COL19A1: variants seen among roughly 807,000 people sequenced by gnomAD.
COL19A1 encodes collagen type XIX alpha 1 chain.
A neutral mutation model predicts 190.2 loss-of-function variants in COL19A1; 159 were observed. That is an observed-to-expected ratio of 0.84 (90% CI 0.73 to 0.95). The LOEUF (loss-of-function observed/expected upper bound fraction) is 0.95. COL19A1 is among the 40% of genes least tolerant of loss of function. The pLI, the probability that COL19A1 is intolerant of heterozygous loss-of-function variation, is 0.00. For synonymous variants in COL19A1, 509 were observed against 458.9 expected (o/e 1.11, Z -1.39); for missense variants, 1,418 against 1,431.9 (o/e 0.99, Z 0.16).
intron 4 of COL19A1, among the ~76,000 whole-genome samples, chr6:69,905,736 C>A (rs910871333): frequency 6.6e-6 from 1 of 152,186 alleles, no homozygotes; most frequent in Non-Finnish European, 1.5e-5. Context: ...CTTACAACAT[C>A]ATTGTACACT....
chr6:69,929,288 T>C, intron 5 of COL19A1, 137 bp from the exon 6 acceptor site: 1 of 818,022 alleles, frequency 1.2e-6, no homozygotes, highest in Non-Finnish European at 1.9e-6. Flanking sequence ...ACAAACCTGG[T>C]GGACACAAGT....
chr6:70,002,956 C>A (rs1777363154), intron 11 of COL19A1, among the ~76,000 whole-genome samples: 1 of 151,856 alleles, frequency 6.6e-6, no homozygotes, highest in Admixed American at 6.6e-5. Context: ...GCCTCTCTAG[C>A]TCTTTTAATT....
At chr6:70,061,100 T>C (rs1277478215) in intron 14 of COL19A1, among the ~76,000 whole-genome samples, 1 of 152,176 alleles carries the variant, frequency 6.6e-6, no homozygotes, top group East Asian at 1.9e-4. Flanking sequence ...TGTTTGACTT[T>C]ACTAAACGGG....
At chr6:69,995,344 ACTAT>A (rs1454742460) in intron 11 of COL19A1, among the ~76,000 whole-genome samples, 1 of 152,220 alleles carries the variant, frequency 6.6e-6, no homozygotes, top group African/African-American at 2.4e-5. Context: ...GTGAGTGATC[ACTAT>A]CTAATAGTAT....
intron 27 of COL19A1, among the ~76,000 whole-genome samples, chr6:70,148,111 C>T (rs930614928): frequency 3.3e-5 from 5 of 151,966 alleles, no homozygotes; most frequent in Non-Finnish European, 5.9e-5. Flanking sequence ...TCTCTAAACT[C>T]CATATTTTGG....
At chr6:70,131,655 A>G (rs981959048) in intron 18 of COL19A1, among the ~76,000 whole-genome samples, 2 of 152,078 alleles carry the variant, frequency 1.3e-5, no homozygotes, top group Non-Finnish European at 2.9e-5. Context: ...ACTTCTGGAC[A>G]TATGCAGGCT....
chr6:70,199,756 A>G lies in COL19A1; in HGVS notation c.3223+20A>G, dbSNP rs1376615362. 1 of 1,577,500 alleles carries G rather than the reference A, an allele frequency of 6.3e-7. No homozygotes were observed. Among genetic ancestry groups the G allele is most frequent in the Non-Finnish European group, 8.6e-7 (1 of 1,161,878 alleles). ...CCCAAGGTAAGTCTTCAAGTGTAAT[A>G]TTGGCTTATTGATTTTTAACTCTCT... is the stretch of plus-strand genomic sequence containing the variant. On this transcript the variant is annotated intron_variant, in intron 49 of 50. Coordinates refer to ENST00000620364, the MANE Select transcript of COL19A1 (RefSeq NM_001858.6).
At chr6:70,060,642 A>G (rs1413673597) in intron 14 of COL19A1, among the ~76,000 whole-genome samples, 1 of 152,130 alleles carries the variant, frequency 6.6e-6, no homozygotes, top group African/African-American at 2.4e-5. Flanking sequence ...CTACTGCCTG[A>G]TGATCTGTCA....
chr6:70,003,008 A>AT (rs1185268207), intron 11 of COL19A1, among the ~76,000 whole-genome samples: 2 of 151,868 alleles, frequency 1.3e-5, no homozygotes, highest in African/African-American at 4.8e-5. Context: ...TAGCTGTCTT[A>AT]TGTGAGCATT....
rs567569394 is a variant in COL19A1, at chr6:69,974,959, C to G, written c.1026+12089C>G. On this transcript the variant is annotated intron_variant, in intron 11 of 50. Transcript: ENST00000620364. ...TCCCGAGTAGCTGGGACTACAGGTG[C>G]CTGCCACCACACCCGGCTAATTTTT... is the stretch of plus-strand genomic sequence containing the variant. Among the ~76,000 whole-genome samples, 294 of 151,914 alleles carry G rather than the reference C, an allele frequency of 1.9e-3. 2 individuals are homozygous for G. The highest frequency in any genetic ancestry group is 6.9e-3 in the African/African-American group (286 of 41,438).
chr6:69,991,282 T>G (rs531918506), intron 11 of COL19A1, among the ~76,000 whole-genome samples: 3 of 152,244 alleles, frequency 2.0e-5, no homozygotes, highest in African/African-American at 7.2e-5. Flanking sequence ...ATTTTCTTTA[T>G]CCAGTCCACT....
intron 4 of COL19A1, among the ~76,000 whole-genome samples, chr6:69,925,725 A>G (rs1772336187): frequency 2.6e-5 from 4 of 152,164 alleles, no homozygotes; most frequent in South Asian, 2.1e-4. Flanking sequence ...TGGGCATGGA[A>G]TGTTCTTCCA....
chr6:69,990,574 A>G (rs1381726830), intron 11 of COL19A1, among the ~76,000 whole-genome samples: 3 of 151,986 alleles, frequency 2.0e-5, no homozygotes, highest in African/African-American at 7.2e-5. Context: ...TTGTTAAAGA[A>G]TCGGGGTTGT....
chr6:70,095,548 C>T (rs1033189764), intron 15 of COL19A1, among the ~76,000 whole-genome samples: 1 of 152,136 alleles, frequency 6.6e-6, no homozygotes, highest in South Asian at 2.1e-4. Context: ...AAATATATAA[C>T]ATAAAATGTA....
intron 16 of COL19A1, among the ~76,000 whole-genome samples, chr6:70,102,628 G>A (rs1218264090): frequency 6.6e-6 from 1 of 152,082 alleles, no homozygotes; most frequent in Non-Finnish European, 1.5e-5. Context: ...TTCTTGATAT[G>A]AAACTATTTT....
chr6:70,077,780 C>T (rs1223580575), intron 15 of COL19A1, among the ~76,000 whole-genome samples: 1 of 149,210 alleles, frequency 6.7e-6, no homozygotes, highest in Non-Finnish European at 1.5e-5. Flanking sequence ...TATTTAATAC[C>T]TTGAATGTGC....
At chr6:70,060,435 G>A (rs79120395) in intron 14 of COL19A1, among the ~76,000 whole-genome samples, 9 of 152,102 alleles carry the variant, frequency 5.9e-5, no homozygotes, top group East Asian at 1.9e-4. Context: ...GTTAGGAACC[G>A]GACCACATAG....
intron 11 of COL19A1, among the ~76,000 whole-genome samples, chr6:70,009,799 T>C (rs1371351829): frequency 6.6e-6 from 1 of 152,072 alleles, no homozygotes; most frequent in Non-Finnish European, 1.5e-5. Flanking sequence ...TCTAGACAAA[T>C]GGCTTTCAAC....
intron 17 of COL19A1, among the ~76,000 whole-genome samples, chr6:70,128,357 C>T (rs1785325515): frequency 6.6e-6 from 1 of 152,002 alleles, no homozygotes; most frequent in Admixed American, 6.6e-5. Context: ...AGTGTTGAGT[C>T]ACAAAGAAGA....
Sources: gnomAD v4.1 joint callset for allele counts (sites outside exome capture counted in the v4.1 genomes callset) on GRCh38, gnomAD v4.1.1 for gene constraint, MANE v1.5 for transcripts, NCBI Gene and HGNC (gene_info 2026-07-23, HGNC 2026-07-21) for gene names.